ALDH9A1: variants seen among roughly 807,000 people sequenced by gnomAD.
ALDH9A1 encodes 4-trimethylaminobutyraldehyde dehydrogenase.
In ALDH9A1, 42 loss-of-function variants were observed where a neutral mutation model predicts 56.6. The observed-to-expected ratio is 0.74, with a 90% CI of 0.58 to 0.96. ALDH9A1 has a LOEUF of 0.96. ALDH9A1 is among the 40% of genes least tolerant of loss of function. The pLI is 0.00. For synonymous variants in ALDH9A1, 242 were observed against 236.0 expected (o/e 1.03, Z -0.23); for missense variants, 661 against 651.5 (o/e 1.01, Z -0.16).
intron 6 of ALDH9A1, among the ~76,000 whole-genome samples, chr1:165,677,143 C>T (rs1233017778): frequency 1.3e-5 from 2 of 152,104 alleles, no homozygotes; most frequent in East Asian, 1.9e-4. Context: ...GAGGCCGAGG[C>T]ATTTGGATCA....
intron 6 of ALDH9A1, 132 bp downstream of exon 6, chr1:165,679,310 G>T: frequency 1.0e-6 from 1 of 977,394 alleles, no homozygotes; most frequent in Non-Finnish European, 1.5e-6. Flanking sequence ...AAAGGTACAT[G>T]GGAATTCTTT....
chr1:165,695,419 G>A, intron 1 of ALDH9A1, 22 bp from the exon 2 acceptor site: 1 of 1,514,566 alleles, frequency 6.6e-7, no homozygotes, highest in African/African-American at 1.5e-5. Context: ...GGAAACATCA[G>A]TTTTAACTCA....
At chr1:165,692,679 A>AC (rs1377023041) in intron 2 of ALDH9A1, among the ~76,000 whole-genome samples, 2 of 152,032 alleles carry the variant, frequency 1.3e-5, no homozygotes, top group Non-Finnish European at 1.5e-5. Context: ...CCATCAAGCT[A>AC]CCAATGACTT....
intron 3 of ALDH9A1, chr1:165,682,769 C>T: frequency 1.9e-6 from 1 of 531,194 alleles, no homozygotes; most frequent in South Asian, 3.4e-5. Context: ...CATGCACTAT[C>T]TCATTTAATC....
At chr1:165,689,025 C>T (rs1649800900) in intron 2 of ALDH9A1, among the ~76,000 whole-genome samples, 1 of 151,958 alleles carries the variant, frequency 6.6e-6, no homozygotes, top group Non-Finnish European at 1.5e-5. Flanking sequence ...TTAGATATTA[C>T]CCAGGATCAA....
At position 165,669,030 on chromosome 1, in the gene ALDH9A1, A is replaced by G. The variant is rs1205582319; in HGVS notation, c.1120-17T>C. ...TTTAGCACCCTGCCGAAAAGGAAAA[A>G]AGATATGTTGTATTAAAAATATAAC... On this transcript the variant is annotated splice_polypyrimidine_tract_variant and intron_variant, in intron 7 of 10. Coordinates refer to ENST00000354775, the MANE Select transcript of ALDH9A1 (RefSeq NM_000696.4). 18 of 1,569,312 alleles carry G rather than the reference A, an allele frequency of 1.1e-5. No homozygotes were observed. Among genetic ancestry groups the G allele is most frequent in the Non-Finnish European group, 1.5e-5 (17 of 1,156,046 alleles).
In ALDH9A1 at chr1:165,664,973, T is replaced by C. The variant is rs529863362; in HGVS notation, c.1462+45A>G. 3 of 1,459,142 alleles carry C rather than the reference T, an allele frequency of 2.1e-6. No individual in the cohort carries two copies. The Admixed American group carries it at 5.0e-5, about 24-fold the overall frequency. The allele number at this position is 1,459,142 out of a possible 1,614,324, so 90.4% of individuals were successfully genotyped here. On this transcript the variant is annotated intron_variant, in intron 10 of 10. Coordinates refer to ENST00000354775, the MANE Select transcript of ALDH9A1 (RefSeq NM_000696.4). The stretch of plus-strand genomic sequence containing the variant: ...GGTTTATAAGGTCTGAATTACGACC[T>C]AGCTCTAGAGACCTAGTTTGCATTC...
chr1:165,698,168 C>T, intron 1 of ALDH9A1: 2 of 1,310,132 alleles, frequency 1.5e-6, no homozygotes, highest in Non-Finnish European at 1.9e-6. Flanking sequence ...CGCAACTCAT[C>T]AGCTTTGCTT....
chr1:165,682,763 C>T (rs1042936528), intron 3 of ALDH9A1: 3 of 510,912 alleles, frequency 5.9e-6, no homozygotes, highest in Non-Finnish European at 6.8e-6. Context: ...GCTTTACATG[C>T]ACTATCTCAT....
At chr1:165,681,081 T>C (rs1448436447) in intron 4 of ALDH9A1, among the ~76,000 whole-genome samples, 1 of 152,182 alleles carries the variant, frequency 6.6e-6, no homozygotes, top group South Asian at 2.1e-4. Context: ...GCCCCCATGA[T>C]TCAATTACCT....
At chr1:165,694,604 T>C (rs1650005888) in intron 2 of ALDH9A1, among the ~76,000 whole-genome samples, 1 of 151,788 alleles carries the variant, frequency 6.6e-6, no homozygotes, top group African/African-American at 2.4e-5. Context: ...AAAAGAAAGG[T>C]AGACTTGAGA....
At position 165,695,239 on chromosome 1, in the gene ALDH9A1, A is replaced by T. The variant is rs1291401503; in HGVS notation, c.327+13T>A. ...AATGTCTGAGTTCTGGAAGGAAATAAATTGGAACATACCCTTATTATCCTG... is the reference window on the plus strand; with the variant it reads ...AATGTCTGAGTTCTGGAAGGAAATATATTGGAACATACCCTTATTATCCTG... On this transcript the variant is annotated intron_variant, in intron 2 of 10. Transcript: ENST00000354775. 2 of 1,588,538 alleles carry T rather than the reference A, an allele frequency of 1.3e-6. No individual in the cohort carries two copies. Among genetic ancestry groups the T allele is most frequent in the Non-Finnish European group, 1.7e-6 (2 of 1,170,620 alleles).
intron 2 of ALDH9A1, among the ~76,000 whole-genome samples, chr1:165,691,771 A>G (rs1649899834): frequency 7.0e-6 from 1 of 142,932 alleles, no homozygotes; most frequent in South Asian, 2.1e-4. Context: ...TAACAAAAAA[A>G]GAGAATTTTA....
At chr1:165,667,158 G>T in intron 9 of ALDH9A1, 151 bp downstream of exon 9, 3 of 1,020,744 alleles carry the variant, frequency 2.9e-6, no homozygotes, top group Non-Finnish European at 4.1e-6. Context: ...ATGCTGCTTT[G>T]GTGTCTTCTG....
rs750848698 is a variant in ALDH9A1, at chr1:165,680,569, C to T, written c.707G>A (p.Gly236Glu). 11 of 1,614,016 alleles carry T rather than the reference C, an allele frequency of 6.8e-6. No individual in the cohort carries two copies. The highest frequency in any genetic ancestry group is 6.7e-5 in the Admixed American group (4 of 59,996). Residue 236 changes from glycine (G) to glutamate (E), a missense_variant, in exon 5 of 11, where the codon GGG becomes GAG. Physicochemically the swap from Gly to Glu is moderately conservative, Grantham distance 98. Coordinates refer to ENST00000354775, the MANE Select transcript of ALDH9A1 (RefSeq NM_000696.4). ...ACACAGAAACTGGCCTGTGGCAGCC[C>T]CTCCCTGCACCACATTGAAGAGCCC... ...PPGLFNVVQG[G>E]AATGQFLCQH... is the part of the protein sequence containing the mutation.
intron 10 of ALDH9A1, 77 bp downstream of exon 10, chr1:165,664,941 G>T: frequency 1.7e-6 from 2 of 1,148,428 alleles, no homozygotes; most frequent in Non-Finnish European, 1.3e-6. Flanking sequence ...ACAGGTTTAG[G>T]AATACTGGTT....
chr1:165,679,336 C>T, intron 6 of ALDH9A1, 106 bp downstream of exon 6: 1 of 1,338,138 alleles, frequency 7.5e-7, no homozygotes, highest in East Asian at 2.4e-5. Context: ...ATTTGTGCAA[C>T]TTTTCTGTAA....
rs543246193 is a variant in ALDH9A1, at chr1:165,678,590, T to C, written c.930+852A>G. On this transcript the variant is annotated intron_variant, in intron 6 of 10. Coordinates refer to ENST00000354775, the MANE Select transcript of ALDH9A1 (RefSeq NM_000696.4). ...TTTCAGCAAGAATCGTCAGTGGTGA[T>C]AGAAGTATTTACTGCATGAAAGTTT... Among the ~76,000 whole-genome samples the C allele has an allele frequency of 2.0e-4, 30 of 152,302 alleles. No homozygotes were observed. In the South Asian group the frequency reaches 6.2e-3, roughly 32 times the overall value.
chr1:165,691,219 G>C (rs1649879276), intron 2 of ALDH9A1, among the ~76,000 whole-genome samples: 1 of 152,188 alleles, frequency 6.6e-6, no homozygotes, highest in Admixed American at 6.5e-5. Flanking sequence ...CTGTTCTACA[G>C]CCTCCGCTGG....
Sources: allele counts gnomAD v4.1 joint callset (sites outside exome capture counted in the v4.1 genomes callset), GRCh38; gene constraint gnomAD v4.1.1; transcripts MANE v1.5; gene names NCBI Gene and HGNC (gene_info 2026-07-23, HGNC 2026-07-21).